Variants in TAS2R1 observed in about 807,000 individuals in gnomAD.
TAS2R1 encodes the protein taste 2 receptor member 1.
For missense variants in TAS2R1, 370 were observed against 353.4 expected (o/e 1.05, Z -0.38); for synonymous variants, 141 against 134.2 (o/e 1.05, Z -0.35).
chr5:9,779,802 G>A, the TAS2R1 span, among the ~76,000 whole-genome samples: 3 of 152,146 alleles, frequency 2.0e-5, no homozygotes, highest in African/African-American at 7.2e-5. Flanking sequence ...ATATTGCTGG[G>A]AAACAGCATA....
upstream of TAS2R1, among the ~76,000 whole-genome samples, chr5:9,715,108 A>G (rs1436039537): frequency 6.6e-6 from 1 of 152,202 alleles, no homozygotes; most frequent in African/African-American, 2.4e-5. Context: ...TTCAAGAGGG[A>G]GAGATTGGCA....
upstream of TAS2R1, among the ~76,000 whole-genome samples, chr5:9,633,023 A>C (rs911947035): frequency 5.9e-5 from 9 of 151,924 alleles, no homozygotes; most frequent in African/African-American, 2.2e-4. Flanking sequence ...CCTTATGAAA[A>C]GTATTTTATA....
intron 2 of TAS2R1, among the ~76,000 whole-genome samples, chr5:9,649,130 T>C (rs1245182817): frequency 6.6e-6 from 1 of 152,176 alleles, no homozygotes; most frequent in Non-Finnish European, 1.5e-5. Context: ...TCAAATGTCC[T>C]CAGAATTATG....
intron 1 of TAS2R1, among the ~76,000 whole-genome samples, chr5:9,664,248 G>T (rs141349145): frequency 1.3e-5 from 2 of 152,108 alleles, no homozygotes; most frequent in South Asian, 4.1e-4. Flanking sequence ...TCATTTCACC[G>T]TCTAGCCTCC....
chr5:9,695,906 G>T (rs1024173580), intron 1 of TAS2R1, among the ~76,000 whole-genome samples: 1 of 152,140 alleles, frequency 6.6e-6, no homozygotes, highest in Non-Finnish European at 1.5e-5. Flanking sequence ...TTTAATGTGT[G>T]ATAAAAACAT....
At chr5:9,686,439 C>T (rs972188716) in intron 1 of TAS2R1, among the ~76,000 whole-genome samples, 2 of 152,140 alleles carry the variant, frequency 1.3e-5, no homozygotes, top group Admixed American at 1.3e-4. Flanking sequence ...CAGCCCATGG[C>T]GAACTCCTTC....
chr5:9,779,057 T>C, the TAS2R1 span, among the ~76,000 whole-genome samples: 1 of 152,228 alleles, frequency 6.6e-6, no homozygotes, highest in Non-Finnish European at 1.5e-5. Context: ...ACCTGCAGTG[T>C]TGGAGATGGG....
chr5:9,801,469 A>T, the TAS2R1 span, among the ~76,000 whole-genome samples: 1 of 152,246 alleles, frequency 6.6e-6, no homozygotes, highest in Admixed American at 6.5e-5. Context: ...GGAGACTTAC[A>T]TCATAAACTT....
At chr5:9,688,214 A>G (rs998041117) in intron 1 of TAS2R1, among the ~76,000 whole-genome samples, 5 of 152,220 alleles carry the variant, frequency 3.3e-5, no homozygotes, top group African/African-American at 1.2e-4. Flanking sequence ...TTTAGAGTCT[A>G]GTATATTTCA....
upstream of TAS2R1, among the ~76,000 whole-genome samples, chr5:9,632,453 G>T (rs1476154824): frequency 6.6e-6 from 1 of 152,130 alleles, no homozygotes; most frequent in Non-Finnish European, 1.5e-5. Flanking sequence ...TCAATTTTGT[G>T]CATTGATGAA....
the TAS2R1 span, among the ~76,000 whole-genome samples, chr5:9,767,432 C>T: frequency 2.0e-5 from 3 of 152,110 alleles, no homozygotes; most frequent in Non-Finnish European, 4.4e-5. Context: ...GCCACTTACT[C>T]ACTGAGTCAA....
At chr5:9,800,162 A>G in the TAS2R1 span, among the ~76,000 whole-genome samples, 1 of 152,224 alleles carries the variant, frequency 6.6e-6, no homozygotes, top group Non-Finnish European at 1.5e-5. Context: ...ATAATTGGGT[A>G]TGCTAGTGGA....
At chr5:9,840,792 A>T in the TAS2R1 span, among the ~76,000 whole-genome samples, 1 of 151,406 alleles carries the variant, frequency 6.6e-6, no homozygotes, top group South Asian at 2.1e-4. Flanking sequence ...GTTTTTATCT[A>T]AAAATGTTAT....
intron 1 of TAS2R1, among the ~76,000 whole-genome samples, chr5:9,693,524 CAAAAAAAAAA>C (rs35262775): frequency 1.9e-3 from 64 of 33,032 alleles, no homozygotes; most frequent in African/African-American, 5.7e-3. Context: ...AACTCCATCT[CAAAAAAAAAA>C]AAAAAAAAAA....
the TAS2R1 span, among the ~76,000 whole-genome samples, chr5:9,803,765 T>C: frequency 6.6e-6 from 1 of 152,128 alleles, no homozygotes; most frequent in Admixed American, 6.5e-5. Flanking sequence ...AAACAAATCC[T>C]TGAAACACAC....
the TAS2R1 span, among the ~76,000 whole-genome samples, chr5:9,725,790 C>T: frequency 6.6e-6 from 1 of 152,230 alleles, no homozygotes; most frequent in South Asian, 2.1e-4. Context: ...CAGCTGGGCT[C>T]CTGCGTCTGG....
At chr5:9,664,193 A>G (rs1326629032) in intron 1 of TAS2R1, among the ~76,000 whole-genome samples, 2 of 152,104 alleles carry the variant, frequency 1.3e-5, no homozygotes, top group Admixed American at 6.5e-5. Context: ...GCACTCCCCA[A>G]CAAGCGAGCA....
chr5:9,706,225 TC>T (rs1741607003), intron 1 of TAS2R1, among the ~76,000 whole-genome samples: 3 of 152,320 alleles, frequency 2.0e-5, no homozygotes, highest in Admixed American at 2.0e-4. Context: ...TCAAATGTCC[TC>T]ACCCCACTTT....
At chr5:9,844,162 A>G in the TAS2R1 span, among the ~76,000 whole-genome samples, 2 of 152,332 alleles carry the variant, frequency 1.3e-5, no homozygotes, top group Middle Eastern at 3.4e-3. Flanking sequence ...GGGAAGTATG[A>G]AGGATATAAA....
Sources: allele counts gnomAD v4.1 joint callset (sites outside exome capture counted in the v4.1 genomes callset), GRCh38; gene constraint gnomAD v4.1.1; transcripts MANE v1.5; gene names NCBI Gene and HGNC (gene_info 2026-07-23, HGNC 2026-07-21).